Variants in GLIS3 observed in about 807,000 individuals in gnomAD.
GLIS3 encodes GLIS family zinc finger 3, also known as zinc finger protein GLIS3.
In GLIS3, 53 loss-of-function variants were observed where a neutral mutation model predicts 78.6. The ratio of observed to expected loss-of-function variants is 0.67; its 90% confidence interval spans 0.54 to 0.85. The LOEUF is 0.85. Among genes scored for constraint, GLIS3 ranks in the 40% least tolerant of loss-of-function variants. The pLI, the probability that GLIS3 is intolerant of heterozygous loss-of-function variation, is 0.00. For synonymous variants in GLIS3, 684 were observed against 509.9 expected, an observed-to-expected ratio of 1.34 and a Z score of -4.60; for missense variants, 1,703 against 1,231.1, an observed-to-expected ratio of 1.38 and a Z score of -5.74.
the GLIS3 span, among the ~76,000 whole-genome samples, chr9:4,376,707 AAATAT>A: frequency 0.051 from 6,960 of 135,456 alleles, 1,659 homozygotes; most frequent in South Asian, 0.19. Flanking sequence ...GTAATCAAAT[AAATAT>A]AACAAAAACT....
chr9:3,908,029 G>C (rs373427277), intron 6 of GLIS3, among the ~76,000 whole-genome samples: 5 of 152,134 alleles, frequency 3.3e-5, no homozygotes, highest in South Asian at 4.1e-4. Context: ...ATGAAAGTGG[G>C]GTGTTCTGAA....
chr9:4,409,721 C>A, the GLIS3 span, among the ~76,000 whole-genome samples: 7 of 152,020 alleles, frequency 4.6e-5, no homozygotes, highest in South Asian at 2.1e-4. Flanking sequence ...AAGCAAGGAA[C>A]AAATGATAAA....
At chr9:3,974,686 T>G (rs1818636557) in intron 4 of GLIS3, among the ~76,000 whole-genome samples, 1 of 152,148 alleles carries the variant, frequency 6.6e-6, no homozygotes, top group Admixed American at 6.6e-5. Flanking sequence ...TATTTTTTTT[T>G]CCACCTAGGA....
chr9:4,474,380 C>T, the GLIS3 span, among the ~76,000 whole-genome samples: 263 of 152,180 alleles, frequency 1.7e-3, 1 homozygote, highest in African/African-American at 6.1e-3. Context: ...AAACCCTAGA[C>T]GCAGACACAC....
chr9:4,340,556 T>A (rs1213498020), intron 2 of GLIS3, among the ~76,000 whole-genome samples: 6 of 152,182 alleles, frequency 3.9e-5, no homozygotes, highest in Non-Finnish European at 8.8e-5. Flanking sequence ...TGTGTATTTG[T>A]GGTGGCAGGA....
chr9:4,394,786 G>C, the GLIS3 span, among the ~76,000 whole-genome samples: 1 of 152,126 alleles, frequency 6.6e-6, no homozygotes, highest in African/African-American at 2.4e-5. Context: ...CCACTAATGA[G>C]AAAAATTATA....
chr9:4,370,764 A>G, the GLIS3 span, among the ~76,000 whole-genome samples: 52,270 of 151,676 alleles, frequency 0.34, 9,396 homozygotes, highest in Middle Eastern at 0.43. Context: ...TCATTCAATT[A>G]AAGTATGAAG....
intron 2 of GLIS3, among the ~76,000 whole-genome samples, chr9:4,201,129 A>T (rs4741916): frequency 6.6e-6 from 1 of 152,176 alleles, no homozygotes; most frequent in African/African-American, 2.4e-5. Context: ...TTATAAAATC[A>T]AACATGCCTT....
intron 4 of GLIS3, among the ~76,000 whole-genome samples, chr9:4,093,429 G>A (rs954542034): frequency 6.6e-6 from 1 of 152,198 alleles, no homozygotes; most frequent in African/African-American, 2.4e-5. Flanking sequence ...CAGACTCAGA[G>A]ACTCGGTACT....
At chr9:4,112,343 G>T (rs1164540031) in intron 4 of GLIS3, among the ~76,000 whole-genome samples, 1 of 152,194 alleles carries the variant, frequency 6.6e-6, no homozygotes, top group Admixed American at 6.5e-5. Flanking sequence ...ATAATGTAGA[G>T]ATTACTGTCA....
Position 4,324,594 on chromosome 9 carries a change from T to C in GLIS3, n.265-14066A>G, listed in dbSNP as rs1029975525. Among the ~76,000 whole-genome samples the C allele has an allele frequency of 4.3e-4, 66 of 152,186 alleles. 1 individual carries two copies. The highest frequency in any genetic ancestry group is 3.3e-3 in the Admixed American group (51 of 15,278). ...CTTTCTCTTCCTTTTGCACATAAGT[T>C]TGGCAGCAGATTTAGATTCTGAAAT... is the stretch of plus-strand genomic sequence containing the variant. On this transcript the variant is annotated intron_variant and non_coding_transcript_variant, in intron 2 of 4. Transcript: ENST00000471664.
intron 6 of GLIS3, among the ~76,000 whole-genome samples, chr9:3,921,142 G>A (rs1241147239): frequency 7.2e-5 from 11 of 152,162 alleles, no homozygotes; most frequent in Admixed American, 7.2e-4. Flanking sequence ...GATAAGGTGT[G>A]TAGTACAACA....
At chr9:3,962,680 G>C (rs1246249670) in intron 4 of GLIS3, among the ~76,000 whole-genome samples, 1 of 152,110 alleles carries the variant, frequency 6.6e-6, no homozygotes, top group Non-Finnish European at 1.5e-5. Flanking sequence ...GTTGAGGAGA[G>C]TAAATAGGGA....
chr9:4,227,942 T>C (rs1397266441), intron 2 of GLIS3, among the ~76,000 whole-genome samples: 1 of 152,218 alleles, frequency 6.6e-6, no homozygotes, highest in Non-Finnish European at 1.5e-5. Flanking sequence ...TGTGTTGAAA[T>C]TGTTTGGGAT....
the GLIS3 span, among the ~76,000 whole-genome samples, chr9:4,466,218 T>A: frequency 8.7e-4 from 132 of 152,262 alleles, no homozygotes; most frequent in African/African-American, 3.2e-3. Flanking sequence ...AAATAGACAA[T>A]TCATTGTAAG....
intron 8 of GLIS3, among the ~76,000 whole-genome samples, chr9:3,872,918 A>G (rs1588129061): frequency 6.6e-6 from 1 of 152,246 alleles, no homozygotes; most frequent in East Asian, 1.9e-4. Flanking sequence ...AAAAATAAAG[A>G]TATGAGCAGA....
intron 2 of GLIS3, among the ~76,000 whole-genome samples, chr9:4,338,269 C>T (rs755435218): frequency 2.0e-5 from 3 of 152,052 alleles, no homozygotes; most frequent in Middle Eastern, 3.4e-3. Context: ...TAAAACACAG[C>T]TTTCAGGTCT....
chr9:4,285,769 C>A (rs1827935509), intron 2 of GLIS3: 1 of 470,416 alleles, frequency 2.1e-6, no homozygotes, highest in Non-Finnish European at 3.9e-6. Flanking sequence ...ACCACTCAGC[C>A]TGCCTCCCTA....
chr9:4,425,074 C>T, the GLIS3 span, among the ~76,000 whole-genome samples: 6 of 152,074 alleles, frequency 3.9e-5, no homozygotes, highest in Admixed American at 6.6e-5. Flanking sequence ...GAGGAGTCAT[C>T]CTGGATCATG....
Sources: allele counts gnomAD v4.1 joint callset (sites outside exome capture counted in the v4.1 genomes callset), GRCh38; gene constraint gnomAD v4.1.1; transcripts MANE v1.5; gene names NCBI Gene and HGNC (gene_info 2026-07-23, HGNC 2026-07-21).